The following TJP1 variants were observed in gnomAD, a reference collection of about 807,000 sequenced individuals.
TJP1 encodes tight junction protein 1, also known as tight junction protein ZO-1.
In TJP1, 43 loss-of-function variants were observed where a neutral mutation model predicts 194.2. The observed-to-expected ratio is 0.22, with a 90% confidence interval of 0.17 to 0.29. The LOEUF is 0.29. Among genes scored for constraint, TJP1 ranks in the 10% least tolerant of loss-of-function variants. The pLI is 1.00. For missense variants in TJP1, 1,971 were observed against 2,185.7 expected (o/e 0.90, Z 1.96); for synonymous variants, 801 against 779.0 (o/e 1.03, Z -0.47).
intron 2 of TJP1, among the ~76,000 whole-genome samples, chr15:29,787,675 G>A (rs1219600510): frequency 1.3e-5 from 2 of 152,100 alleles, no homozygotes; most frequent in African/African-American, 2.4e-5. Context: ...GCATGTATCA[G>A]TACTTCATTT....
intron 2 of TJP1, among the ~76,000 whole-genome samples, chr15:29,777,819 A>G (rs1567007448): frequency 6.6e-6 from 1 of 152,172 alleles, no homozygotes. Context: ...TTCATTGCAG[A>G]CTGTTTGTAA....
intron 2 of TJP1, among the ~76,000 whole-genome samples, chr15:29,841,439 C>G (rs981303670): frequency 6.6e-6 from 1 of 152,182 alleles, no homozygotes; most frequent in African/African-American, 2.4e-5. Context: ...CCTTCAGGAC[C>G]TATACTTTGC....
chr15:29,730,437 A>ATAC (rs2043550977), intron 15 of TJP1, among the ~76,000 whole-genome samples: 1 of 151,778 alleles, frequency 6.6e-6, no homozygotes, highest in Admixed American at 6.6e-5. Flanking sequence ...AATAATAATA[A>ATAC]TAATAATAAA....
chr15:29,923,535 T>A (rs1351164408), intron 2 of TJP1, among the ~76,000 whole-genome samples: 3 of 152,126 alleles, frequency 2.0e-5, no homozygotes, highest in African/African-American at 7.2e-5. Flanking sequence ...AAAAACAGCA[T>A]GCAAAGTCAA....
intron 4 of TJP1, among the ~76,000 whole-genome samples, chr15:29,769,416 A>T (rs2046515520): frequency 6.6e-6 from 1 of 152,186 alleles, no homozygotes. Flanking sequence ...AGGCCCTTTG[A>T]CTCTGAAAAG....
intron 18 of TJP1, among the ~76,000 whole-genome samples, chr15:29,724,623 G>A (rs2043132307): frequency 6.6e-6 from 1 of 152,186 alleles, no homozygotes; most frequent in African/African-American, 2.4e-5. Flanking sequence ...GTCAGATCTT[G>A]TAAAAAGGAA....
rs571778917 is a variant in TJP1 at position 29,719,222 on chromosome 15, A to C, written c.3004-84T>G. On this transcript the variant is annotated intron_variant, in intron 20 of 27. Transcript: ENST00000614355. ...TTAGACTGTGATTAAATATTAAACT[A>C]CGATTTAATATGTGAAAATGGTATG... 1.0e-5 allele frequency: 14 copies of C among 1,357,628 alleles called. No homozygotes were observed. The African/African-American group carries it at 2.1e-4, about 20-fold the overall frequency. The allele number at this position is 1,357,628 out of a possible 1,614,324, so 84.1% of individuals were successfully genotyped here. A position where few individuals can be genotyped will look rare whatever the true frequency, so the allele number is the denominator to read the frequency against.
At chr15:29,944,838 T>C (rs1793807180) in intron 2 of TJP1, among the ~76,000 whole-genome samples, 1 of 152,244 alleles carries the variant, frequency 6.6e-6, no homozygotes, top group Non-Finnish European at 1.5e-5. Context: ...AAATCTGTCA[T>C]GAATATTTCA....
intron 2 of TJP1, among the ~76,000 whole-genome samples, chr15:29,932,374 A>T (rs1443197788): frequency 6.6e-6 from 1 of 152,234 alleles, no homozygotes; most frequent in Non-Finnish European, 1.5e-5. Context: ...ATTATAGATC[A>T]GTATGGAAAG....
intron 2 of TJP1, among the ~76,000 whole-genome samples, chr15:29,793,257 T>G (rs552571944): frequency 5.8e-4 from 89 of 152,186 alleles, no homozygotes; most frequent in Non-Finnish European, 9.7e-4. Context: ...CTGTGGCTTT[T>G]ATTGTGTTGA....
At chr15:29,702,919 C>T (rs955897475) in intron 27 of TJP1, among the ~76,000 whole-genome samples, 3 of 150,928 alleles carry the variant, frequency 2.0e-5, no homozygotes, top group Non-Finnish European at 1.5e-5. Flanking sequence ...AAATCAGGTT[C>T]GCTTAAAGTG....
intron 10 of TJP1, among the ~76,000 whole-genome samples, chr15:29,739,168 AAAAC>A (rs1482538793): frequency 6.6e-6 from 1 of 152,202 alleles, no homozygotes; most frequent in Non-Finnish European, 1.5e-5. Flanking sequence ...ACCCTTTAGT[AAAAC>A]ATGGCTTCTG....
chr15:29,967,380 A>C (rs1452467130), intron 1 of TJP1, among the ~76,000 whole-genome samples: 2 of 151,302 alleles, frequency 1.3e-5, no homozygotes, highest in African/African-American at 4.8e-5. Flanking sequence ...AAAAAAAAAA[A>C]CCAAACTGGT....
chr15:29,751,437 CT>C (rs1392588464), intron 8 of TJP1, among the ~76,000 whole-genome samples: 1 of 152,178 alleles, frequency 6.6e-6, no homozygotes, highest in Non-Finnish European at 1.5e-5. Context: ...GCTTATTCTT[CT>C]GTACAAGTGC....
chr15:29,906,265 G>A (rs1332853586), intron 2 of TJP1, among the ~76,000 whole-genome samples: 1 of 151,980 alleles, frequency 6.6e-6, no homozygotes, highest in Non-Finnish European at 1.5e-5. Flanking sequence ...TTGAGGTCAG[G>A]AGTTTGAGAC....
rs1164096235 is a variant in TJP1, at chr15:29,709,071, TGAAAAAA to T, written c.4373-42_4373-36del. On this transcript the variant is annotated intron_variant, in intron 24 of 27. Coordinates refer to ENST00000614355, the MANE Select transcript of TJP1 (RefSeq NM_001330239.4). ...AAACGTAAGCATTTAAATAACTTTC[TGAAAAAA>T]GTTATAATAGCCCTGTCCCAGCTTA... 3 of 1,573,664 alleles carry T rather than the reference TGAAAAAA, an allele frequency of 1.9e-6. No homozygotes were observed. The African/African-American group carries it at 4.1e-5, about 22-fold the overall frequency.
intron 2 of TJP1, among the ~76,000 whole-genome samples, chr15:29,798,037 G>T (rs1453989024): frequency 1.3e-5 from 2 of 152,174 alleles, no homozygotes; most frequent in East Asian, 3.9e-4. Flanking sequence ...GCAATGGCGT[G>T]ATCTCGGCTC....
chr15:29,912,457 C>T (rs968709199), intron 2 of TJP1, among the ~76,000 whole-genome samples: 3 of 152,114 alleles, frequency 2.0e-5, no homozygotes, highest in African/African-American at 7.2e-5. Flanking sequence ...CGCCTGTAAT[C>T]CCAGCACTTT....
At chr15:29,900,487 T>A (rs785432) in intron 2 of TJP1, among the ~76,000 whole-genome samples, 12,812 of 151,610 alleles carry the variant, frequency 0.085, 613 homozygotes, top group South Asian at 0.12. Context: ...ATGATAAGAG[T>A]TTAGGTGAGG....
Sources: allele counts gnomAD v4.1 joint callset (sites outside exome capture counted in the v4.1 genomes callset), GRCh38; gene constraint gnomAD v4.1.1; transcripts MANE v1.5; gene names NCBI Gene and HGNC (gene_info 2026-07-23, HGNC 2026-07-21).